The following UGT3A2 variants were observed in gnomAD, a reference collection of about 807,000 sequenced individuals.
UGT3A2 encodes the protein UDP glycosyltransferase family 3 member A2.
Under a neutral mutation model 39.8 loss-of-function variants are expected in UGT3A2, and 32 were observed. The ratio of observed to expected loss-of-function variants is 0.80; its 90% CI spans 0.61 to 1.08. The LOEUF (loss-of-function observed/expected upper bound fraction) is 1.08, where lower values mean the gene tolerates loss of function less well. UGT3A2 is among the 50% of genes least tolerant of loss of function. The pLI, the probability that UGT3A2 is intolerant of heterozygous loss-of-function variation, is 0.00. For synonymous variants in UGT3A2, 241 were observed against 230.7 expected (o/e 1.04, Z -0.40); for missense variants, 611 against 637.1 (o/e 0.96, Z 0.44).
chr5:36,042,773 C>T (rs184406916), intron 4 of UGT3A2, among the ~76,000 whole-genome samples: 2 of 151,854 alleles, frequency 1.3e-5, no homozygotes, highest in African/African-American at 4.8e-5. Flanking sequence ...AAGACAAATA[C>T]CATGAAAAGA....
chr5:36,056,528 GTTCT>G (rs752760776), intron 2 of UGT3A2, among the ~76,000 whole-genome samples: 14 of 152,218 alleles, frequency 9.2e-5, no homozygotes, highest in Non-Finnish European at 1.9e-4. Context: ...TTATGTGGGT[GTTCT>G]TTCTTAGCAG....
intron 2 of UGT3A2, among the ~76,000 whole-genome samples, chr5:36,060,588 G>A (rs1742661404): frequency 6.6e-6 from 1 of 152,154 alleles, no homozygotes; most frequent in South Asian, 2.1e-4. Flanking sequence ...TAGAAGCGGG[G>A]AGCTCTTTTC....
chr5:36,045,601 A>G (rs76817701), intron 4 of UGT3A2, among the ~76,000 whole-genome samples: 2 of 132,814 alleles, frequency 1.5e-5, no homozygotes, highest in Non-Finnish European at 1.7e-5. Flanking sequence ...CCTCAGTCTC[A>G]AAAAAAAAAA....
chr5:36,055,958 T>C (rs1561495796), intron 2 of UGT3A2, among the ~76,000 whole-genome samples: 1 of 152,180 alleles, frequency 6.6e-6, no homozygotes, highest in Non-Finnish European at 1.5e-5. Flanking sequence ...ATCTTTTCCA[T>C]GTTTTCCTTT....
At chr5:36,056,867 A>G (rs775170861) in intron 2 of UGT3A2, among the ~76,000 whole-genome samples, 2 of 152,226 alleles carry the variant, frequency 1.3e-5, no homozygotes, top group Non-Finnish European at 2.9e-5. Context: ...ACACTTGAAC[A>G]TCTATATTTC....
At chr5:36,051,778 C>T in intron 3 of UGT3A2, 92 bp downstream of exon 3, 1 of 957,190 alleles carries the variant, frequency 1.0e-6, no homozygotes, top group South Asian at 1.5e-5. Flanking sequence ...GTCACTTTCT[C>T]TTATCCTCAT....
rs1580996338 is a variant in UGT3A2 at position 36,039,470 on chromosome 5, CCCTT to C, written c.1075+3_1075+6del. 1.9e-6 allele frequency: 3 copies of C among 1,612,150 alleles called. No individual in the cohort carries two copies. The highest frequency in any genetic ancestry group is 1.3e-5 in the African/African-American group (1 of 75,000). ...GAAGGAGAGGAGCAGTCCTGGGCAGCCCTTACCCAGGAGGTCACTCTGAGGAAGC... is the reference window on the plus strand; with the variant it reads ...GAAGGAGAGGAGCAGTCCTGGGCAGCACCCAGGAGGTCACTCTGAGGAAGC... On this transcript the variant is annotated splice_donor_5th_base_variant and intron_variant, in intron 5 of 6. Transcript: ENST00000282507.
intron 2 of UGT3A2, among the ~76,000 whole-genome samples, chr5:36,059,590 G>A (rs1482356476): frequency 2.0e-5 from 3 of 151,982 alleles, no homozygotes; most frequent in Non-Finnish European, 4.4e-5. Context: ...AGAGGACTTG[G>A]GAGGTTTTCT....
chr5:36,057,869 C>G (rs768379891), intron 2 of UGT3A2, among the ~76,000 whole-genome samples: 1 of 152,094 alleles, frequency 6.6e-6, no homozygotes, highest in East Asian at 1.9e-4. Flanking sequence ...TTGGAAATGT[C>G]ATCATTAATT....
At chr5:36,051,215 T>C (rs1281158738) in intron 3 of UGT3A2, among the ~76,000 whole-genome samples, 2 of 152,188 alleles carry the variant, frequency 1.3e-5, no homozygotes, top group Non-Finnish European at 2.9e-5. Flanking sequence ...GTAAGGCCAC[T>C]GCGATTGACC....
intron 4 of UGT3A2, among the ~76,000 whole-genome samples, chr5:36,045,801 A>G (rs536114045): frequency 9.2e-5 from 14 of 152,268 alleles, no homozygotes; most frequent in African/African-American, 3.4e-4. Flanking sequence ...GAAGGCTTCT[A>G]TACAACAAAG....
chr5:36,059,868 C>T (rs2111766317), intron 2 of UGT3A2, among the ~76,000 whole-genome samples: 1 of 152,230 alleles, frequency 6.6e-6, no homozygotes, highest in East Asian at 1.9e-4. Context: ...TTTGTGTTTT[C>T]ACAGAAAATG....
rs970432116 is a variant in UGT3A2 at position 36,049,197 on chromosome 5, T to G, written c.535A>C (p.Ile179Leu). Residue 179 changes from isoleucine (I) to leucine (L), a missense_variant, in exon 4 of 7, where the codon ATC becomes CTC. Transcript: ENST00000282507. ...AATACTGGAACATAAGACAAGGGGA[T>G]TGGTAGCCCAAATTCCAAAGAGCCG... is the stretch of plus-strand genomic sequence containing the variant. ...SFGSLEFGLPIPLSYVPVFRS... is the reference protein window; with the variant it reads ...SFGSLEFGLPLPLSYVPVFRS... The G allele has an allele frequency of 6.2e-7, 1 of 1,614,114 alleles. No homozygotes were observed. The highest frequency in any genetic ancestry group is 8.5e-7 in the Non-Finnish European group (1 of 1,180,026).
intron 1 of UGT3A2, among the ~76,000 whole-genome samples, chr5:36,065,233 G>A (rs1364994732): frequency 4.6e-5 from 7 of 152,138 alleles, no homozygotes; most frequent in African/African-American, 1.2e-4. Flanking sequence ...AAAAGCCTGC[G>A]GGGTGGGGGT....
intron 2 of UGT3A2, among the ~76,000 whole-genome samples, chr5:36,062,000 G>A (rs1331820843): frequency 6.6e-6 from 1 of 151,658 alleles, no homozygotes; most frequent in Non-Finnish European, 1.5e-5. Flanking sequence ...CAGTGACGAT[G>A]AGCATTTTTT....
intron 2 of UGT3A2, among the ~76,000 whole-genome samples, chr5:36,054,389 T>A (rs1287265): frequency 0.72 from 110,209 of 152,076 alleles, 40,791 homozygotes; most frequent in Non-Finnish European, 0.8. Flanking sequence ...TACACCCCTC[T>A]TGGAATGAAA....
intron 4 of UGT3A2, among the ~76,000 whole-genome samples, chr5:36,041,415 A>G (rs957456226): frequency 6.6e-6 from 1 of 152,224 alleles, no homozygotes; most frequent in Non-Finnish European, 1.5e-5. Context: ...AATAGTTATC[A>G]TAGGTCTTGG....
At chr5:36,063,654 T>C (rs1742787344) in intron 2 of UGT3A2, among the ~76,000 whole-genome samples, 1 of 152,228 alleles carries the variant, frequency 6.6e-6, no homozygotes, top group Non-Finnish European at 1.5e-5. Context: ...AGAGAGTCTT[T>C]GAGGTGGAGT....
chr5:36,043,802 C>A (rs1317739223), intron 4 of UGT3A2, among the ~76,000 whole-genome samples: 2 of 151,982 alleles, frequency 1.3e-5, no homozygotes, highest in Admixed American at 6.5e-5. Context: ...CAAGATTAAT[C>A]CTTAAAGAAA....
Sources: gnomAD v4.1 joint callset for allele counts (sites outside exome capture counted in the v4.1 genomes callset) on GRCh38, gnomAD v4.1.1 for gene constraint, MANE v1.5 for transcripts, NCBI Gene and HGNC (gene_info 2026-07-23, HGNC 2026-07-21) for gene names.